The following CTNNA3 variants were observed in gnomAD, a reference collection of about 807,000 sequenced individuals.
CTNNA3 encodes catenin alpha 3.
CTNNA3 carries 76 observed loss-of-function variants against 95.7 expected under a neutral mutation model. The observed-to-expected ratio is 0.79, with a 90% CI of 0.66 to 0.96. CTNNA3 has a LOEUF of 0.96. CTNNA3 is among the 40% of genes least tolerant of loss of function. CTNNA3 has a pLI of 0.00. For synonymous variants in CTNNA3, 431 were observed against 374.4 expected, an observed-to-expected ratio of 1.15 and a Z score of -1.74; for missense variants, 1,191 against 1,089.8, an observed-to-expected ratio of 1.09 and a Z score of -1.31.
rs186053822 is a variant in CTNNA3, at chr10:67,684,638, G to A, written c.-6+11362C>T. On this transcript the variant is annotated intron_variant, in intron 1 of 17. Coordinates refer to ENST00000433211, the MANE Select transcript of CTNNA3 (RefSeq NM_013266.4). Reference sequence around the variant, plus strand: ...CCTGCAGTTCTAGTTTCCTCCAGAGGGGATCTCTTTAGGCCAGTGAAAGGG... The same window carrying A: ...CCTGCAGTTCTAGTTTCCTCCAGAGAGGATCTCTTTAGGCCAGTGAAAGGG... 5.5e-4 allele frequency among the ~76,000 whole-genome samples: 83 copies of A among 152,258 alleles called. 2 individuals carry two copies. The highest frequency in any genetic ancestry group is 1.9e-3 in the African/African-American group (79 of 41,556).
At chr10:66,611,115 G>A (rs574494534) in intron 10 of CTNNA3, among the ~76,000 whole-genome samples, 2 of 152,192 alleles carry the variant, frequency 1.3e-5, no homozygotes, top group East Asian at 3.9e-4. Flanking sequence ...AGGTAGAATG[G>A]CGGTTACCAG....
chr10:67,612,669 C>A (rs1031774795), intron 2 of CTNNA3, among the ~76,000 whole-genome samples: 8 of 152,048 alleles, frequency 5.3e-5, no homozygotes, highest in Non-Finnish European at 1.0e-4. Context: ...ACAGCATGCC[C>A]AAAGTAGAGA....
At chr10:67,369,431 A>G (rs534754896) in intron 5 of CTNNA3, among the ~76,000 whole-genome samples, 23 of 152,310 alleles carry the variant, frequency 1.5e-4, no homozygotes, top group African/African-American at 5.5e-4. Flanking sequence ...CAACCATGTG[A>G]TAATTCCTTT....
At chr10:66,987,572 T>G (rs1276006704) in intron 7 of CTNNA3, among the ~76,000 whole-genome samples, 2 of 152,178 alleles carry the variant, frequency 1.3e-5, no homozygotes, top group Non-Finnish European at 2.9e-5. Context: ...CTCATTGCCA[T>G]GAAAATTCAT....
At position 66,177,571 on chromosome 10, in the gene CTNNA3, A is replaced by T. The variant is rs2085781892; in HGVS notation, c.1885-74322T>A. Among the ~76,000 whole-genome samples the T allele has an allele frequency of 7.9e-5, 12 of 152,158 alleles. 1 individual carries two copies. The South Asian group carries it at 2.1e-3, about 26-fold the overall frequency. ...GCGATTTTGTTAATGATTTTTTAAA[A>T]ATGAGCTTTGCAACATATTGGCAGC... On this transcript the variant is annotated intron_variant, in intron 13 of 17. Coordinates refer to ENST00000433211, the MANE Select transcript of CTNNA3 (RefSeq NM_013266.4).
At chr10:67,554,301 T>C (rs981561075) in intron 3 of CTNNA3, among the ~76,000 whole-genome samples, 1 of 152,206 alleles carries the variant, frequency 6.6e-6, no homozygotes, top group Admixed American at 6.5e-5. Flanking sequence ...GATCAAACAG[T>C]GTTTCTGGTT....
chr10:67,179,912 A>G (rs1862431597), intron 7 of CTNNA3, among the ~76,000 whole-genome samples: 1 of 152,162 alleles, frequency 6.6e-6, no homozygotes, highest in South Asian at 2.1e-4. Flanking sequence ...GATCCCTGTA[A>G]TATCACTGTT....
intron 14 of CTNNA3, among the ~76,000 whole-genome samples, chr10:66,088,059 T>C (rs1024917396): frequency 2.0e-5 from 3 of 152,050 alleles, no homozygotes; most frequent in Non-Finnish European, 4.4e-5. Context: ...TCATTCTAGA[T>C]AGTAAACTTA....
chr10:67,468,557 G>C (rs1319349244), intron 5 of CTNNA3, among the ~76,000 whole-genome samples: 1 of 152,048 alleles, frequency 6.6e-6, no homozygotes, highest in Non-Finnish European at 1.5e-5. Flanking sequence ...ATGTAGCTTG[G>C]AGGCACTCAG....
At chr10:66,103,016 T>A in intron 14 of CTNNA3, 141 bp downstream of exon 14, 1 of 674,272 alleles carries the variant, frequency 1.5e-6, no homozygotes, top group Non-Finnish European at 2.7e-6. Flanking sequence ...CCCTTAATGC[T>A]AAGGCTTTTC....
intron 10 of CTNNA3, among the ~76,000 whole-genome samples, chr10:66,554,528 T>C (rs1842332385): frequency 6.6e-6 from 1 of 152,186 alleles, no homozygotes; most frequent in Non-Finnish European, 1.5e-5. Flanking sequence ...TTACTCTTTC[T>C]TTTGCATTCC....
At chr10:66,846,057 G>A (rs893941608) in intron 7 of CTNNA3, among the ~76,000 whole-genome samples, 2 of 151,696 alleles carry the variant, frequency 1.3e-5, no homozygotes, top group Non-Finnish European at 2.9e-5. Flanking sequence ...GCTTGAACCC[G>A]GGAGGCGGAG....
At chr10:66,004,207 G>GA (rs2078833449) in intron 15 of CTNNA3, among the ~76,000 whole-genome samples, 2 of 152,078 alleles carry the variant, frequency 1.3e-5, no homozygotes, top group African/African-American at 4.8e-5. Flanking sequence ...AGAATCAGTG[G>GA]AATGTTTTAT....
chr10:66,007,870 C>A (rs980413775), intron 15 of CTNNA3, among the ~76,000 whole-genome samples: 10 of 149,576 alleles, frequency 6.7e-5, no homozygotes, highest in Non-Finnish European at 1.2e-4. Context: ...TACTTCCCCT[C>A]CTTCCTTCCT....
At chr10:66,728,555 T>C (rs1848849950) in intron 9 of CTNNA3, among the ~76,000 whole-genome samples, 1 of 152,128 alleles carries the variant, frequency 6.6e-6, no homozygotes, top group African/African-American at 2.4e-5. Context: ...AGCGTTTTTA[T>C]ATTACAGTTT....
intron 17 of CTNNA3, among the ~76,000 whole-genome samples, chr10:65,950,408 T>G (rs78101685): frequency 1.3e-5 from 2 of 152,088 alleles, no homozygotes; most frequent in Non-Finnish European, 2.9e-5. Context: ...TTTTTTTTTT[T>G]GTCTTCTCTC....
intron 11 of CTNNA3, among the ~76,000 whole-genome samples, chr10:66,458,960 G>T (rs930230656): frequency 1.3e-5 from 2 of 152,004 alleles, no homozygotes; most frequent in Admixed American, 6.6e-5. Context: ...AACAACATGG[G>T]TCTGAACTGC....
At chr10:66,797,794 C>G (rs985741306) in intron 7 of CTNNA3, among the ~76,000 whole-genome samples, 1 of 151,740 alleles carries the variant, frequency 6.6e-6, no homozygotes, top group Non-Finnish European at 1.5e-5. Flanking sequence ...GTTCCTCAGT[C>G]AATTTTTTTT....
chr10:66,370,474 C>T (rs1225960486), intron 12 of CTNNA3, among the ~76,000 whole-genome samples: 1 of 152,116 alleles, frequency 6.6e-6, no homozygotes, highest in Non-Finnish European at 1.5e-5. Flanking sequence ...AATTATCTTT[C>T]AAAGATACTT....
Sources: gnomAD v4.1 joint callset for allele counts (sites outside exome capture counted in the v4.1 genomes callset) on GRCh38, gnomAD v4.1.1 for gene constraint, MANE v1.5 for transcripts, NCBI Gene and HGNC (gene_info 2026-07-23, HGNC 2026-07-21) for gene names.